Variants in DYM observed in about 807,000 individuals in gnomAD.
The protein encoded by DYM is dymeclin, also known as dyggve-Melchior-Clausen syndrome protein.
DYM carries 78 observed loss-of-function variants against 93.1 expected under a neutral mutation model. That is an observed-to-expected ratio of 0.84 (90% CI 0.70 to 1.01). DYM has a LOEUF of 1.01. Among genes scored for constraint, DYM ranks in the 50% least tolerant of loss-of-function variants. The pLI is 0.00. For missense variants in DYM, 789 were observed against 845.0 expected, an observed-to-expected ratio of 0.93 and a Z score of 0.82; for synonymous variants, 321 against 319.7, an observed-to-expected ratio of 1.00 and a Z score of -0.04.
At chr18:49,199,896 AT>A (rs1316378039) in intron 14 of DYM, among the ~76,000 whole-genome samples, 2 of 152,188 alleles carry the variant, frequency 1.3e-5, no homozygotes, top group African/African-American at 2.4e-5. Context: ...GGGTAAAAGT[AT>A]TCCTAAATTT....
intron 1 of DYM, among the ~76,000 whole-genome samples, chr18:49,441,015 T>TTA (rs557339074): frequency 0.21 from 457 of 2,210 alleles, 144 homozygotes; most frequent in African/African-American, 0.21. Context: ...ATATTATATA[T>TTA]TATATATATT....
At chr18:49,221,756 T>C (rs906240173) in intron 13 of DYM, among the ~76,000 whole-genome samples, 8 of 151,774 alleles carry the variant, frequency 5.3e-5, no homozygotes, top group Admixed American at 5.2e-4. Flanking sequence ...GGGACTGTTG[T>C]GGGGTGGGGG....
chr18:49,054,113 TGGAG>T lies in DYM; in HGVS notation c.2026-9913_2026-9910del, dbSNP rs551445852. Among the ~76,000 whole-genome samples, 15 of 152,280 alleles carry T rather than the reference TGGAG, an allele frequency of 9.9e-5. No homozygotes were observed. In the East Asian group the frequency reaches 2.7e-3, roughly 27 times the overall value. On this transcript the variant is annotated intron_variant, in intron 17 of 17. Coordinates refer to ENST00000675505, the MANE Select transcript of DYM (RefSeq NM_001353214.3). The stretch of plus-strand genomic sequence containing the variant: ...GAAGTGCAGGCTCTTCCAAGTGTAA[TGGAG>T]GGAGTGACAAATCTATGAAATATTA...
At chr18:49,053,154 TG>T (rs1276906263) in intron 17 of DYM, among the ~76,000 whole-genome samples, 1 of 152,078 alleles carries the variant, frequency 6.6e-6, no homozygotes, top group East Asian at 1.9e-4. Flanking sequence ...CCTACCACAG[TG>T]GGACATCCGG....
intron 14 of DYM, among the ~76,000 whole-genome samples, chr18:49,175,215 C>T (rs538525577): frequency 1.1e-4 from 17 of 152,256 alleles, no homozygotes; most frequent in East Asian, 3.9e-4. Context: ...CAGTGTTCTG[C>T]GCACAACATG....
At chr18:49,149,639 G>C (rs2085577933) in intron 15 of DYM, among the ~76,000 whole-genome samples, 1 of 150,170 alleles carries the variant, frequency 6.7e-6, no homozygotes, top group Non-Finnish European at 1.5e-5. Flanking sequence ...CCAGAACATA[G>C]AAGCTGCTCA....
intron 2 of DYM, among the ~76,000 whole-genome samples, chr18:49,396,739 G>A (rs1413034806): frequency 6.6e-6 from 1 of 152,010 alleles, no homozygotes; most frequent in Non-Finnish European, 1.5e-5. Context: ...TACTATTCAG[G>A]CATAAAAATA....
chr18:49,288,962 G>C (rs1275511486), intron 8 of DYM, among the ~76,000 whole-genome samples: 1 of 152,052 alleles, frequency 6.6e-6, no homozygotes, highest in Non-Finnish European at 1.5e-5. Context: ...GACCGACCTA[G>C]GGAAGTATAC....
intron 14 of DYM, among the ~76,000 whole-genome samples, chr18:49,188,648 A>C (rs1297987187): frequency 6.6e-6 from 1 of 151,992 alleles, no homozygotes; most frequent in African/African-American, 2.4e-5. Context: ...ATGAGAACAC[A>C]TGGACACAGG....
At chr18:49,147,423 G>C (rs955076834) in intron 15 of DYM, among the ~76,000 whole-genome samples, 2 of 152,110 alleles carry the variant, frequency 1.3e-5, no homozygotes, top group Admixed American at 6.5e-5. Flanking sequence ...TAGAGAATGG[G>C]AGAAAATTTT....
At chr18:49,214,601 T>C (rs1380293910) in intron 13 of DYM, among the ~76,000 whole-genome samples, 2 of 150,624 alleles carry the variant, frequency 1.3e-5, no homozygotes, top group Non-Finnish European at 3.0e-5. Context: ...CAAATAAATA[T>C]GATAAAGGTG....
intron 17 of DYM, among the ~76,000 whole-genome samples, chr18:49,090,417 A>G (rs1346051493): frequency 6.6e-6 from 1 of 151,896 alleles, no homozygotes; most frequent in Admixed American, 6.6e-5. Flanking sequence ...CAATTTTTTA[A>G]AAGTCTAAAG....
intron 2 of DYM, among the ~76,000 whole-genome samples, chr18:49,406,867 T>C (rs1475479500): frequency 6.6e-6 from 1 of 152,190 alleles, no homozygotes; most frequent in Non-Finnish European, 1.5e-5. Flanking sequence ...AAATGAAAAC[T>C]TATGTTCACT....
rs1483127870 is a variant in DYM at position 49,195,441 on chromosome 18, C to G, written c.1625+14110G>C. On this transcript the variant is annotated intron_variant, in intron 14 of 17. Transcript: ENST00000675505. ...TCTCTTCTAGTTTTTTGAGAATATACAATAAATTATAGTTAACCATATTTA... is the reference window on the plus strand; with the variant it reads ...TCTCTTCTAGTTTTTTGAGAATATAGAATAAATTATAGTTAACCATATTTA... 3.3e-5 allele frequency among the ~76,000 whole-genome samples: 5 copies of G among 152,126 alleles called. No homozygotes were observed. The East Asian group carries it at 9.6e-4, about 29-fold the overall frequency.
chr18:49,289,732 T>TACAC (rs2059928137), intron 8 of DYM, among the ~76,000 whole-genome samples: 1 of 8,378 alleles, frequency 1.2e-4, no homozygotes, highest in African/African-American at 3.2e-4. Flanking sequence ...TATGTGTATA[T>TACAC]ATATATATAT....
chr18:49,444,559 T>C (rs556759254), intron 1 of DYM, among the ~76,000 whole-genome samples: 2 of 152,286 alleles, frequency 1.3e-5, no homozygotes, highest in South Asian at 4.1e-4. Context: ...AAAATTAAAA[T>C]AAGAAGATCT....
intron 15 of DYM, among the ~76,000 whole-genome samples, chr18:49,155,476 C>A (rs2086298499): frequency 6.6e-6 from 1 of 152,204 alleles, no homozygotes; most frequent in Non-Finnish European, 1.5e-5. Flanking sequence ...AATATCACCA[C>A]AGCCTAATTT....
intron 8 of DYM, among the ~76,000 whole-genome samples, chr18:49,289,746 T>TATATATATATATATATATATACAC (rs2059940172): frequency 2.3e-5 from 1 of 42,854 alleles, no homozygotes; most frequent in African/African-American, 1.2e-4. Flanking sequence ...TATATATATA[T>TATATATATATATATATATATACAC]ATATATATAT....
intron 6 of DYM, among the ~76,000 whole-genome samples, chr18:49,352,993 T>C (rs1205266121): frequency 1.3e-5 from 2 of 152,134 alleles, no homozygotes; most frequent in Non-Finnish European, 2.9e-5. Context: ...TCCTGACAGA[T>C]TTTTGGGAGG....
Sources: allele counts gnomAD v4.1 joint callset (sites outside exome capture counted in the v4.1 genomes callset), GRCh38; gene constraint gnomAD v4.1.1; transcripts MANE v1.5; gene names NCBI Gene and HGNC (gene_info 2026-07-23, HGNC 2026-07-21).